Variants in TCERG1L observed in about 807,000 individuals in gnomAD.
TCERG1L encodes transcription elongation regulator 1 like, also known as transcription elongation regulator 1-like protein.
Under a neutral mutation model 56.3 loss-of-function variants are expected in TCERG1L, and 37 were observed. The observed-to-expected ratio is 0.66, with a 90% CI of 0.51 to 0.87. The LOEUF is 0.87. Among genes scored for constraint, TCERG1L ranks in the 40% least tolerant of loss-of-function variants. TCERG1L has a pLI of 0.00. For missense variants in TCERG1L, 799 were observed against 774.2 expected (o/e 1.03, Z -0.38); for synonymous variants, 324 against 326.3 (o/e 0.99, Z 0.08).
intron 6 of TCERG1L, among the ~76,000 whole-genome samples, chr10:131,152,724 A>G (rs1845879028): frequency 6.6e-6 from 1 of 152,224 alleles, no homozygotes; most frequent in African/African-American, 2.4e-5. Context: ...GCTATAAGGA[A>G]ATACCTCAGA....
chr10:131,197,460 C>T (rs535120500), intron 4 of TCERG1L, among the ~76,000 whole-genome samples: 3 of 152,220 alleles, frequency 2.0e-5, no homozygotes, highest in Admixed American at 1.3e-4. Context: ...GCTGGGATTA[C>T]AGGCATGAGC....
intron 4 of TCERG1L, among the ~76,000 whole-genome samples, chr10:131,198,757 G>T (rs1845393935): frequency 7.1e-6 from 1 of 141,722 alleles, no homozygotes; most frequent in Non-Finnish European, 1.5e-5. Flanking sequence ...CTCTAGCAAG[G>T]GCTGTCTGTG....
At chr10:131,109,909 G>A (rs1845393674) in intron 9 of TCERG1L, among the ~76,000 whole-genome samples, 1 of 152,230 alleles carries the variant, frequency 6.6e-6, no homozygotes, top group Non-Finnish European at 1.5e-5. Flanking sequence ...GTGGATGCAG[G>A]CCAGGGCGGC....
At chr10:131,156,378 G>T (rs1384199019) in intron 6 of TCERG1L, 1 of 151,984 alleles carries the variant, frequency 6.6e-6, no homozygotes, top group African/African-American at 2.4e-5. Flanking sequence ...TTACCCACGG[G>T]TACTGAAATA....
intron 5 of TCERG1L, among the ~76,000 whole-genome samples, chr10:131,165,944 C>T (rs1048797655): frequency 6.6e-6 from 1 of 152,202 alleles, no homozygotes; most frequent in Non-Finnish European, 1.5e-5. Flanking sequence ...ACTAGAAAGG[C>T]TATCTGTGTA....
In TCERG1L at chr10:131,302,464, A is replaced by G. The variant is rs369482813; in HGVS notation, c.670+5747T>C. Among the ~76,000 whole-genome samples, 16 of 152,092 alleles carry G rather than the reference A, an allele frequency of 1.1e-4. 1 individual carries two copies. In the East Asian group the frequency reaches 2.3e-3, roughly 22 times the overall value. On this transcript the variant is annotated intron_variant, in intron 3 of 11. Transcript: ENST00000368642. ...GTATAATATTATGAGACAAGGAAGA[A>G]AAACCAAAATATTTCCCCCAAAACA...
intron 3 of TCERG1L, among the ~76,000 whole-genome samples, chr10:131,263,597 A>G (rs1426171870): frequency 1.3e-5 from 2 of 152,212 alleles, no homozygotes; most frequent in East Asian, 1.9e-4. Flanking sequence ...TACATTTGCC[A>G]TATTTTTACC....
chr10:131,247,975 T>G (rs1173219280), intron 4 of TCERG1L, among the ~76,000 whole-genome samples: 1 of 147,550 alleles, frequency 6.8e-6, no homozygotes, highest in African/African-American at 2.5e-5. Flanking sequence ...CACACCCACA[T>G]ACCCACATGA....
chr10:131,241,215 G>A (rs780695757), intron 4 of TCERG1L, among the ~76,000 whole-genome samples: 84 of 152,334 alleles, frequency 5.5e-4, no homozygotes, highest in Non-Finnish European at 1.1e-3. Context: ...GAGGCTGGGG[G>A]TGGGGAACAC....
At chr10:131,281,085 C>A (rs1055980159) in intron 3 of TCERG1L, among the ~76,000 whole-genome samples, 3 of 152,200 alleles carry the variant, frequency 2.0e-5, no homozygotes, top group African/African-American at 4.8e-5. Context: ...CCAAAGCCTG[C>A]ATCAATGTTT....
chr10:131,118,286 AG>A lies in TCERG1L; in HGVS notation c.1260-1353del, dbSNP rs1283085432. Among the ~76,000 whole-genome samples the A allele has an allele frequency of 6.6e-6, 1 of 152,194 alleles. No individual in the cohort carries two copies. The highest frequency in any genetic ancestry group is 1.5e-5 in the Non-Finnish European group (1 of 68,040). On this transcript the variant is annotated intron_variant, in intron 8 of 11. Coordinates refer to ENST00000368642, the MANE Select transcript of TCERG1L (RefSeq NM_174937.4). This position sits in a 1 kb window ranked among gnomAD's most constrained non-coding sequence, Gnocchi z 4.2. ...ATGTAGGAATGGCATGTACATCTAAAGGCATGGGCCTTACCCGCTCCTTTCA... is the reference window on the plus strand; with the variant it reads ...ATGTAGGAATGGCATGTACATCTAAAGCATGGGCCTTACCCGCTCCTTTCA...
intron 8 of TCERG1L, 38 bp from the exon 9 acceptor site, chr10:131,116,972 G>A (rs1845466677): frequency 6.3e-7 from 1 of 1,585,386 alleles, no homozygotes; most frequent in African/African-American, 1.3e-5. Context: ...ACACACTCGT[G>A]GGGACCCAGC....
In TCERG1L at chr10:131,100,976, A is replaced by G. The variant is rs571149345; in HGVS notation, c.1486-2552T>C. ...CGTGGCCTGCTTCCTCCTCTTTCCC[A>G]CTGGACCTTCTGGGACCAAGTTGCA... On this transcript the variant is annotated intron_variant, in intron 10 of 11. Coordinates refer to ENST00000368642, the MANE Select transcript of TCERG1L (RefSeq NM_174937.4). 3.5e-3 allele frequency among the ~76,000 whole-genome samples: 534 copies of G among 151,970 alleles called. 4 individuals carry two copies. Among genetic ancestry groups the G allele is most frequent in the African/African-American group, 0.012 (511 of 41,390 alleles).
chr10:131,277,234 G>T (rs906344844), intron 3 of TCERG1L, among the ~76,000 whole-genome samples: 8 of 152,174 alleles, frequency 5.3e-5, no homozygotes, highest in African/African-American at 1.9e-4. Context: ...TGACCATGGA[G>T]GTCACAGAGG....
At chr10:131,259,874 G>A (rs922099302) in intron 4 of TCERG1L, among the ~76,000 whole-genome samples, 3 of 152,234 alleles carry the variant, frequency 2.0e-5, no homozygotes, top group Admixed American at 1.3e-4. Flanking sequence ...TCACTCACCA[G>A]GCTCCACTCC....
intron 4 of TCERG1L, among the ~76,000 whole-genome samples, chr10:131,256,992 G>GGAAGGAAGGAAAGAAAGAAA (rs1846173015): frequency 3.4e-5 from 2 of 59,214 alleles, no homozygotes; most frequent in Non-Finnish European, 7.6e-5. Flanking sequence ...AAGGAAGGAA[G>GGAAGGAAGGAAAGAAAGAAA]GAAAGAAAGA....
chr10:131,195,023 T>A (rs1036588591), intron 4 of TCERG1L, among the ~76,000 whole-genome samples: 11 of 152,240 alleles, frequency 7.2e-5, no homozygotes, highest in African/African-American at 2.7e-4. Flanking sequence ...TCACTGGTTG[T>A]GGCCAGACCC....
intron 3 of TCERG1L, among the ~76,000 whole-genome samples, chr10:131,300,762 T>G (rs1258406532): frequency 6.6e-6 from 1 of 152,164 alleles, no homozygotes; most frequent in Admixed American, 6.5e-5. Context: ...GCTTGGTTTG[T>G]GTGTCTTGTA....
chr10:131,190,154 G>T (rs1161879258), intron 4 of TCERG1L, among the ~76,000 whole-genome samples: 1 of 152,082 alleles, frequency 6.6e-6, no homozygotes, highest in Non-Finnish European at 1.5e-5. Context: ...ATCTCTATAT[G>T]CGCCAACTAG....
Sources: gnomAD v4.1 joint callset for allele counts (sites outside exome capture counted in the v4.1 genomes callset) on GRCh38, gnomAD v4.1.1 for gene constraint, Gnocchi (gnomAD v3.1) non-coding constraint, MANE v1.5 for transcripts, NCBI Gene and HGNC (gene_info 2026-07-23, HGNC 2026-07-21) for gene names.